Variants in PCGF5 observed in about 807,000 individuals in gnomAD.
The protein encoded by PCGF5 is polycomb group RING finger protein 5.
In PCGF5, 9 loss-of-function variants were observed where a neutral mutation model predicts 44.3. That is an observed-to-expected ratio of 0.20 (90% CI 0.12 to 0.35). The LOEUF is 0.35. PCGF5 is among the 10% of genes least tolerant of loss of function. PCGF5 has a pLI of 1.00. For synonymous variants in PCGF5, 95 were observed against 102.5 expected (o/e 0.93, Z 0.44); for missense variants, 146 against 305.3 (o/e 0.48, Z 3.89).
intron 1 of PCGF5, among the ~76,000 whole-genome samples, chr10:91,171,072 C>T (rs533778962): frequency 6.6e-6 from 1 of 152,126 alleles, no homozygotes; most frequent in Non-Finnish European, 1.5e-5. Flanking sequence ...CAGTGGTTGC[C>T]AAGGGTTAGA....
chr10:91,188,097 C>T (rs1042503541), intron 1 of PCGF5, among the ~76,000 whole-genome samples: 10 of 152,206 alleles, frequency 6.6e-5, no homozygotes, highest in African/African-American at 2.4e-4. Context: ...CGAACAGGAA[C>T]AGCTCCGGTC....
At chr10:91,250,497 C>CT (rs56288334) in intron 5 of PCGF5, among the ~76,000 whole-genome samples, 33,683 of 132,056 alleles carry the variant, frequency 0.26, 4,405 homozygotes, top group Non-Finnish European at 0.31. Flanking sequence ...CTGGTTTTTT[C>CT]TTTTTTTTTT....
At chr10:91,260,152 G>A (rs916281367) in intron 6 of PCGF5, among the ~76,000 whole-genome samples, 2 of 124,770 alleles carry the variant, frequency 1.6e-5, no homozygotes, top group Admixed American at 7.2e-5. Flanking sequence ...TGGGCAAAGG[G>A]TATGAACAGA....
upstream of PCGF5, among the ~76,000 whole-genome samples, chr10:91,162,433 G>A (rs1564621531): frequency 2.6e-5 from 4 of 152,116 alleles, no homozygotes; most frequent in African/African-American, 9.7e-5. Flanking sequence ...TCGCCAGGGA[G>A]GCATACTGAC....
At chr10:91,235,345 A>T (rs930589058) in intron 2 of PCGF5, among the ~76,000 whole-genome samples, 1 of 152,180 alleles carries the variant, frequency 6.6e-6, no homozygotes, top group Non-Finnish European at 1.5e-5. Flanking sequence ...ACCTGGTTCA[A>T]ATCTAACAAA....
chr10:91,169,583 A>G lies in PCGF5; in HGVS notation c.-184+6502A>G, dbSNP rs1041362976. Among the ~76,000 whole-genome samples the G allele has an allele frequency of 3.9e-5, 6 of 152,370 alleles. 1 individual carries two copies. In the South Asian group the frequency reaches 1.2e-3, roughly 32 times the overall value. ...TAGATATACATCTAACAAAATATGT[A>G]TAAAATCTATGTGAGGAAAACTATC... is the stretch of plus-strand genomic sequence containing the variant. On this transcript the variant is annotated intron_variant, in intron 1 of 9. Transcript: ENST00000614189.
intron 1 of PCGF5, among the ~76,000 whole-genome samples, chr10:91,202,137 A>G (rs370806479): frequency 6.6e-6 from 1 of 152,360 alleles, no homozygotes; most frequent in Admixed American, 6.5e-5. Flanking sequence ...TGAGAAATAA[A>G]TAAGTTTTTA....
intron 1 of PCGF5, among the ~76,000 whole-genome samples, chr10:91,184,804 A>G (rs1052684302): frequency 6.6e-6 from 1 of 151,796 alleles, no homozygotes; most frequent in East Asian, 1.9e-4. Context: ...TCCAGTCCCT[A>G]GTGGCCTTGG....
In PCGF5 at chr10:91,281,050, A is replaced by G. The variant is rs543661173; in HGVS notation, c.*2734A>G. 6.6e-6 allele frequency: 1 copy of G among 152,656 alleles called. No homozygotes were observed. Among genetic ancestry groups the G allele is most frequent in the African/African-American group, 2.4e-5 (1 of 41,592 alleles). The allele number at this position is 152,656 out of a possible 1,614,324, so 9.5% of individuals were successfully genotyped here. ...ATAAAAGGGTCAAGGGAACTTAGAT[A>G]TAAAGAATGACTGTGGTTTATAAAC... is the stretch of plus-strand genomic sequence containing the variant. On this transcript the variant is annotated 3_prime_UTR_variant, in exon 10 of 10. Coordinates refer to ENST00000336126, the MANE Select transcript of PCGF5 (RefSeq NM_032373.5).
upstream of PCGF5, among the ~76,000 whole-genome samples, chr10:91,162,174 T>A (rs1843397530): frequency 6.6e-6 from 1 of 150,758 alleles, no homozygotes; most frequent in East Asian, 2.0e-4. Context: ...GGTAGGGAAG[T>A]GGAGGGGAGA....
At chr10:91,241,563 C>G (rs1845328036) in intron 3 of PCGF5, among the ~76,000 whole-genome samples, 1 of 151,870 alleles carries the variant, frequency 6.6e-6, no homozygotes, top group African/African-American at 2.4e-5. Flanking sequence ...CACCATAGCT[C>G]TAAGGCAGAT....
In PCGF5 at chr10:91,273,610, G is replaced by A. The variant is rs72815434; in HGVS notation, c.723+1913G>A. ...GGATAACTAAATGGTTTTATGTTCT[G>A]AATTCTCTCTAATTTTCAAGGAATA... On this transcript the variant is annotated intron_variant, in intron 9 of 9. Transcript: ENST00000336126. Among the ~76,000 whole-genome samples, 619 of 152,122 alleles carry A rather than the reference G, an allele frequency of 4.1e-3. 4 individuals carry two copies. Among genetic ancestry groups the A allele is most frequent in the South Asian group, 9.6e-3 (46 of 4,812 alleles).
chr10:91,280,245 A>G lies in PCGF5; in HGVS notation c.*1929A>G, dbSNP rs1846420833. On this transcript the variant is annotated 3_prime_UTR_variant, in exon 10 of 10. Coordinates refer to ENST00000336126, the MANE Select transcript of PCGF5 (RefSeq NM_032373.5). Reference sequence around the variant, plus strand: ...ATTATAAATTTGTCACACCTAGGTCAGCGATTAAAATAGTGTTTTGCAAAT... The same window carrying G: ...ATTATAAATTTGTCACACCTAGGTCGGCGATTAAAATAGTGTTTTGCAAAT... 1 of 152,068 alleles carries G rather than the reference A, an allele frequency of 6.6e-6. No individual in the cohort carries two copies. The highest frequency in any genetic ancestry group is 2.4e-5 in the African/African-American group (1 of 41,456). 9.4% of individuals were successfully genotyped at this position (152,068 alleles called of 1,614,324 possible).
At chr10:91,277,754 T>G (rs1846352148) in intron 9 of PCGF5, among the ~76,000 whole-genome samples, 1 of 152,170 alleles carries the variant, frequency 6.6e-6, no homozygotes, top group African/African-American at 2.4e-5. Context: ...AATTTTAAAT[T>G]TAAAAAATGT....
intron 3 of PCGF5, among the ~76,000 whole-genome samples, chr10:91,247,198 A>C (rs1349827696): frequency 6.6e-6 from 1 of 152,074 alleles, no homozygotes; most frequent in Non-Finnish European, 1.5e-5. Context: ...AAAAAAAACA[A>C]AGGAAATTTT....
chr10:91,266,959 C>A (rs11186519), intron 8 of PCGF5, among the ~76,000 whole-genome samples: 19,017 of 152,078 alleles, frequency 0.13, 2,195 homozygotes, highest in African/African-American at 0.3. Flanking sequence ...CAGCAGCCAG[C>A]GTGATCCTCT....
chr10:91,230,131 A>G (rs1487094880), intron 2 of PCGF5, among the ~76,000 whole-genome samples: 5 of 152,214 alleles, frequency 3.3e-5, no homozygotes, highest in African/African-American at 1.2e-4. Context: ...GCAAAACGTC[A>G]TAGTGGACAC....
At chr10:91,179,019 A>G (rs1401365860) in intron 1 of PCGF5, among the ~76,000 whole-genome samples, 1 of 152,244 alleles carries the variant, frequency 6.6e-6, no homozygotes, top group Non-Finnish European at 1.5e-5. Context: ...GACTTTGGGT[A>G]AGCCCTAGGG....
intron 1 of PCGF5, among the ~76,000 whole-genome samples, chr10:91,178,972 T>G (rs1210761942): frequency 6.6e-6 from 1 of 152,214 alleles, no homozygotes; most frequent in Non-Finnish European, 1.5e-5. Context: ...TTTAGAAAAT[T>G]CAAATGACTC....
Sources: allele counts gnomAD v4.1 joint callset (sites outside exome capture counted in the v4.1 genomes callset), GRCh38; gene constraint gnomAD v4.1.1; transcripts MANE v1.5; gene names NCBI Gene and HGNC (gene_info 2026-07-23, HGNC 2026-07-21).